The following USP33 variants were observed in gnomAD, a reference collection of about 807,000 sequenced individuals.
USP33 encodes ubiquitin carboxyl-terminal hydrolase 33.
Under a neutral mutation model 124.2 loss-of-function variants are expected in USP33, and 46 were observed. That is an observed-to-expected ratio of 0.37 (90% confidence interval 0.29 to 0.47). The LOEUF is 0.47. Among genes scored for constraint, USP33 ranks in the 20% least tolerant of loss-of-function variants. USP33 has a pLI of 0.99. For synonymous variants in USP33, 350 were observed against 352.3 expected (o/e 0.99, Z 0.07); for missense variants, 851 against 1,070.6 (o/e 0.79, Z 2.86).
chr1:77,759,527 A>G (rs1341020930), intron 1 of USP33, 116 bp downstream of exon 1: 14 of 397,668 alleles, frequency 3.5e-5, no homozygotes, highest in Non-Finnish European at 6.2e-5. Context: ...ACCAAGAAAA[A>G]GAGGCTGCTG....
intron 16 of USP33, 105 bp downstream of exon 16, chr1:77,718,491 T>C (rs1258745824): frequency 6.5e-6 from 6 of 928,938 alleles, no homozygotes; most frequent in Non-Finnish European, 1.0e-5. Flanking sequence ...ATAGCAATCA[T>C]TCAATTCTTC....
intron 21 of USP33, among the ~76,000 whole-genome samples, chr1:77,702,972 T>A (rs1335480496): frequency 6.6e-6 from 1 of 152,018 alleles, no homozygotes. Context: ...GATGGGCAAT[T>A]CAATCCATGG....
In USP33 at chr1:77,750,187, G is replaced by A. The variant is rs138830907; in HGVS notation, c.-51-8439C>T. 3.5e-3 allele frequency among the ~76,000 whole-genome samples: 533 copies of A among 152,196 alleles called. 5 individuals are homozygous for A. The highest frequency in any genetic ancestry group is 0.025 in the East Asian group (128 of 5,152). On this transcript the variant is annotated intron_variant, in intron 1 of 23. Transcript: ENST00000370794. The stretch of plus-strand genomic sequence containing the variant: ...ACAAAAATTAGCCGTGCATAGTGGT[G>A]GGTGCCTGTAATCCCAGCTACTCGG...
chr1:77,754,662 G>A lies in USP33; in HGVS notation c.-52+4981C>T, dbSNP rs982952910. On this transcript the variant is annotated intron_variant, in intron 1 of 23. Transcript: ENST00000370794. ...AATTTTCATTCAAAACCACAACACAGAAAAAGAAATGTAGTGCTAATCTTT... is the reference window on the plus strand; with the variant it reads ...AATTTTCATTCAAAACCACAACACAAAAAAAGAAATGTAGTGCTAATCTTT... 3.9e-5 allele frequency among the ~76,000 whole-genome samples: 6 copies of A among 152,090 alleles called. No homozygotes were observed. In the East Asian group the frequency reaches 9.6e-4, roughly 24 times the overall value.
Position 77,728,512 on chromosome 1 carries a change from T to C in USP33, c.918A>G (p.Arg306=). The C allele has an allele frequency of 6.2e-7, 1 of 1,614,178 alleles. No individual in the cohort carries two copies. Among genetic ancestry groups the C allele is most frequent in the Non-Finnish European group, 8.5e-7 (1 of 1,180,016 alleles). ...TTTCATTATTATCTTCAGAAAAGCA[T>C]CTAGAGCCATTTTCATTTTCTGCTC... ...SDRAENENGS[R]CFSEDNNETT... Residue 306 remains arginine (R), a synonymous_variant, in exon 10 of 24, where the codon AGA becomes AGG. Transcript: ENST00000370794.
rs533114883 is a variant in USP33, at chr1:77,718,942, A to G, written c.1692-301T>C. On this transcript the variant is annotated intron_variant, in intron 15 of 23. Coordinates refer to ENST00000370794, the MANE Select transcript of USP33 (RefSeq NM_201624.3). Reference sequence around the variant, plus strand: ...ACCCTGCCTCAAAAAAAAAAAAAAAAAAAGAAAGAAAGAAAGAAAATGCAG... The same window carrying G: ...ACCCTGCCTCAAAAAAAAAAAAAAAGAAAGAAAGAAAGAAAGAAAATGCAG... Among the ~76,000 whole-genome samples the G allele has an allele frequency of 2.5e-3, 381 of 150,980 alleles. 2 individuals carry two copies. The highest frequency in any genetic ancestry group is 7.6e-3 in the African/African-American group (311 of 41,160).
chr1:77,705,333 T>G (rs554312109), intron 21 of USP33, among the ~76,000 whole-genome samples: 16 of 152,062 alleles, frequency 1.1e-4, no homozygotes, highest in Admixed American at 7.2e-4. Context: ...TAGCTGGGAT[T>G]ACAGGCACCC....
In USP33 at chr1:77,698,038, T is replaced by A; in HGVS notation, c.2510-107A>T. 4 of 793,574 alleles carry A rather than the reference T, an allele frequency of 5.0e-6. No individual in the cohort carries two copies. The South Asian group carries it at 7.3e-5, about 14-fold the overall frequency. The allele number at this position is 793,574 out of a possible 1,614,324, so 49.2% of individuals were successfully genotyped here. ...CCTATAACTACATTATCAGACTGGT[T>A]ATTTCTCAGGCAAATTATTATAGTT... is the stretch of plus-strand genomic sequence containing the variant. On this transcript the variant is annotated intron_variant, in intron 22 of 23. Transcript: ENST00000370794.
rs1553201895 is a variant in USP33, at chr1:77,750,663, A to AGAAAGAAAGAAAG, written c.-51-8928_-51-8916dup. 3.7e-3 allele frequency among the ~76,000 whole-genome samples: 556 copies of AGAAAGAAAGAAAG among 150,278 alleles called. 7 individuals carry two copies. In the East Asian group the frequency reaches 0.041, roughly 11 times the overall value. On this transcript the variant is annotated intron_variant, in intron 1 of 23. Transcript: ENST00000370794. ...AAGAAAGAAAGAAAGAAAGAAAGAA[A>AGAAAGAAAGAAAG]GAAAGAAAGAAAGAAAGAAAGAAAA... is the stretch of plus-strand genomic sequence containing the variant.
At chr1:77,752,256 G>A (rs1680410832) in intron 1 of USP33, among the ~76,000 whole-genome samples, 1 of 151,888 alleles carries the variant, frequency 6.6e-6, no homozygotes, top group African/African-American at 2.4e-5. Context: ...TCATGCCTCA[G>A]TCACTTGAGT....
Position 77,701,379 on chromosome 1 carries a change from A to C in USP33, c.2499T>G (p.Gly833=), listed in dbSNP as rs768055823. The C allele has an allele frequency of 6.2e-7, 1 of 1,608,566 alleles. No individual in the cohort carries two copies. The highest frequency in any genetic ancestry group is 1.7e-5 in the Admixed American group (1 of 58,136). The change falls in exon 22 of 24, where the codon GGT becomes GGG. Residue 833 remains glycine, a synonymous_variant. Transcript: ENST00000370794. ...CAGTCAACCACTTACCTCCATCTTT[A>C]CCCTTCACAAAACTTTCCCATTCTC... ...WFREWESFVK[G]KDGDPPGPID...
At chr1:77,741,522 A>G (rs1205845814) in intron 2 of USP33, 93 bp from the exon 3 acceptor site, 1 of 1,541,136 alleles carries the variant, frequency 6.5e-7, no homozygotes, top group Non-Finnish European at 8.8e-7. Context: ...ATATTTTTAA[A>G]ATACTGCTCA....
At chr1:77,721,775 C>G in intron 14 of USP33, 56 bp downstream of exon 14, 1 of 1,461,718 alleles carries the variant, frequency 6.8e-7, no homozygotes, top group Non-Finnish European at 9.3e-7. Flanking sequence ...TATTTAGTCC[C>G]ACTAGTATTT....
chr1:77,698,159 G>C (rs1673607941), intron 22 of USP33, among the ~76,000 whole-genome samples: 1 of 150,830 alleles, frequency 6.6e-6, no homozygotes, highest in Non-Finnish European at 1.5e-5. Context: ...TCCGCCTTGG[G>C]TTCAAGTGAT....
chr1:77,740,863 T>C lies in USP33; in HGVS notation c.198+14A>G. ...TTTTTAACAAGTCTTCCATTAAATT[T>C]TTTATATACATACCTGAGAATGTAT... On this transcript the variant is annotated intron_variant, in intron 4 of 23. Transcript: ENST00000370794. 1 of 1,548,500 alleles carries C rather than the reference T, an allele frequency of 6.5e-7. No homozygotes were observed. The highest frequency in any genetic ancestry group is 8.7e-7 in the Non-Finnish European group (1 of 1,143,594).
chr1:77,750,625 AAAG>A (rs1680219404), intron 1 of USP33, among the ~76,000 whole-genome samples: 1 of 18,574 alleles, frequency 5.4e-5, no homozygotes, highest in Non-Finnish European at 1.2e-4. Context: ...CTGACTTAAA[AAAG>A]AAAGAAAGAA....
At chr1:77,753,077 C>T (rs1371605820) in intron 1 of USP33, among the ~76,000 whole-genome samples, 2 of 151,650 alleles carry the variant, frequency 1.3e-5, no homozygotes, top group Non-Finnish European at 2.9e-5. Flanking sequence ...AAAACTCCAT[C>T]TCAAAAAATA....
chr1:77,719,189 T>C (rs1346108006), intron 15 of USP33, among the ~76,000 whole-genome samples: 3 of 151,350 alleles, frequency 2.0e-5, no homozygotes, highest in Non-Finnish European at 4.4e-5. Flanking sequence ...TGAAACCCCA[T>C]GTCTACTAAA....
At chr1:77,743,337 T>C (rs1679347523) in intron 1 of USP33, among the ~76,000 whole-genome samples, 2 of 152,170 alleles carry the variant, frequency 1.3e-5, no homozygotes, top group Admixed American at 6.6e-5. Context: ...AGTTCTAGGG[T>C]ACATGTGCAC....
Sources: gnomAD v4.1 joint callset for allele counts (sites outside exome capture counted in the v4.1 genomes callset) on GRCh38, gnomAD v4.1.1 for gene constraint, MANE v1.5 for transcripts, NCBI Gene and HGNC (gene_info 2026-07-23, HGNC 2026-07-21) for gene names.